Variants in CACNB2 observed in about 807,000 individuals in gnomAD.
CACNB2 encodes the protein voltage-dependent L-type calcium channel subunit beta-2.
CACNB2 carries 42 observed loss-of-function variants against 73.3 expected under a neutral mutation model. The ratio of observed to expected loss-of-function variants is 0.57; its 90% CI spans 0.45 to 0.74. The LOEUF (loss-of-function observed/expected upper bound fraction) is 0.74. Among genes scored for constraint, CACNB2 ranks in the 30% least tolerant of loss-of-function variants. The probability of loss-of-function intolerance (pLI) is 0.00; values close to 1 mark genes in which losing one functional copy is unlikely to be tolerated. For synonymous variants in CACNB2, 348 were observed against 310.3 expected, an observed-to-expected ratio of 1.12 and a Z score of -1.28; for missense variants, 940 against 853.0, an observed-to-expected ratio of 1.10 and a Z score of -1.27.
chr10:18,398,428 G>A (rs1468783175), intron 2 of CACNB2, among the ~76,000 whole-genome samples: 2 of 152,166 alleles, frequency 1.3e-5, no homozygotes, highest in Non-Finnish European at 2.9e-5. Context: ...ACTTTGGGAG[G>A]CTGAGGCAGG....
At chr10:18,374,534 A>G (rs1056741747) in intron 2 of CACNB2, among the ~76,000 whole-genome samples, 2 of 152,176 alleles carry the variant, frequency 1.3e-5, no homozygotes, top group African/African-American at 4.8e-5. Context: ...TTAAGACCAG[A>G]CTGGGCAGTA....
At chr10:18,199,620 A>C (rs542317020) in intron 2 of CACNB2, among the ~76,000 whole-genome samples, 13 of 152,324 alleles carry the variant, frequency 8.5e-5, no homozygotes, top group African/African-American at 2.6e-4. Flanking sequence ...ATAATGTCAG[A>C]TCTTATAAGG....
At chr10:18,270,739 C>G (rs2185981) in intron 2 of CACNB2, among the ~76,000 whole-genome samples, 30,798 of 152,114 alleles carry the variant, frequency 0.2, 3,431 homozygotes, top group South Asian at 0.29. Flanking sequence ...TGCTTTTCCC[C>G]TATCATAACA....
At chr10:18,330,674 C>T (rs1431266687) in intron 2 of CACNB2, among the ~76,000 whole-genome samples, 2 of 146,926 alleles carry the variant, frequency 1.4e-5, no homozygotes, top group South Asian at 2.2e-4. Context: ...AAAACTAAAA[C>T]TTTTTTTTTT....
At chr10:18,292,824 G>A (rs1370199966) in intron 2 of CACNB2, among the ~76,000 whole-genome samples, 1 of 152,068 alleles carries the variant, frequency 6.6e-6, no homozygotes, top group Non-Finnish European at 1.5e-5. Context: ...AAATTAACAG[G>A]CAAATGGATT....
intron 2 of CACNB2, among the ~76,000 whole-genome samples, chr10:18,355,555 G>A (rs1253097810): frequency 6.6e-6 from 1 of 151,614 alleles, no homozygotes; most frequent in African/African-American, 2.4e-5. Flanking sequence ...CTAACATTCA[G>A]TCCTAGTTAT....
intron 2 of CACNB2, among the ~76,000 whole-genome samples, chr10:18,232,597 C>A (rs2036263664): frequency 6.6e-6 from 1 of 152,164 alleles, no homozygotes; most frequent in South Asian, 2.1e-4. Context: ...CTTCCTTTAA[C>A]TAGTGACCTT....
At chr10:18,225,889 C>T (rs1306571945) in intron 2 of CACNB2, among the ~76,000 whole-genome samples, 2 of 152,188 alleles carry the variant, frequency 1.3e-5, no homozygotes, top group East Asian at 1.9e-4. Context: ...ATCCTCCTGC[C>T]TCAGCCTTCC....
In CACNB2 at chr10:18,223,307, C is replaced by T. The variant is rs186273776; in HGVS notation, c.213+72332C>T. On this transcript the variant is annotated intron_variant, in intron 2 of 13. Coordinates refer to ENST00000324631, the MANE Select transcript of CACNB2 (RefSeq NM_201596.3). Reference sequence around the variant, plus strand: ...TAATTGGCATAAATAATTACAACTCCACAGCACTGCAGAAGAGAATGTCAT... The same window carrying T: ...TAATTGGCATAAATAATTACAACTCTACAGCACTGCAGAAGAGAATGTCAT... 3.3e-5 allele frequency among the ~76,000 whole-genome samples: 5 copies of T among 152,180 alleles called. No homozygotes were observed. In the East Asian group the frequency reaches 7.7e-4, roughly 23 times the overall value.
chr10:18,231,773 CTG>C (rs1385321673), intron 2 of CACNB2, among the ~76,000 whole-genome samples: 1 of 152,196 alleles, frequency 6.6e-6, no homozygotes, highest in Non-Finnish European at 1.5e-5. Flanking sequence ...CTGAGTCTCT[CTG>C]AGAGTTCTAA....
At chr10:18,214,302 G>T (rs2035429804) in intron 2 of CACNB2, among the ~76,000 whole-genome samples, 1 of 75,570 alleles carries the variant, frequency 1.3e-5, no homozygotes, top group Non-Finnish European at 4.1e-5. Context: ...GCATCCATTT[G>T]TACCTTACAC....
intron 3 of CACNB2, among the ~76,000 whole-genome samples, chr10:18,410,994 G>C (rs2044593278): frequency 6.6e-6 from 1 of 151,900 alleles, no homozygotes; most frequent in South Asian, 2.1e-4. Context: ...AAATAAAAAA[G>C]AAAGATAAAA....
intron 3 of CACNB2, among the ~76,000 whole-genome samples, chr10:18,447,447 G>T (rs1412353719): frequency 6.6e-6 from 1 of 152,126 alleles, no homozygotes; most frequent in African/African-American, 2.4e-5. Context: ...ATGACAGAAT[G>T]TTGGGAAAGA....
chr10:18,350,857 G>C (rs1006820815), intron 2 of CACNB2, among the ~76,000 whole-genome samples: 1 of 152,176 alleles, frequency 6.6e-6, no homozygotes, highest in South Asian at 2.1e-4. Flanking sequence ...GTCCATGCTG[G>C]AGTGCAGTGG....
intron 1 of CACNB2, among the ~76,000 whole-genome samples, chr10:18,149,556 G>A (rs544736606): frequency 4.0e-4 from 61 of 152,206 alleles, no homozygotes; most frequent in African/African-American, 8.4e-4. Context: ...TAGCAAATTC[G>A]TCTAAATTAC....
In CACNB2 at chr10:18,518,347, T is replaced by C; in HGVS notation, c.816T>C (p.Thr272=). The change falls in exon 8 of 14, where the codon ACT becomes ACC. Residue 272 remains threonine (T), a synonymous_variant. Coordinates refer to ENST00000324631, the MANE Select transcript of CACNB2 (RefSeq NM_201596.3). Reference sequence around the variant, plus strand: ...TCCTCTCTCTGCAGACAGAGCACACTCCTCCGTATGATGTGGTACCTTCCA... The same window carrying C: ...TCCTCTCTCTGCAGACAGAGCACACCCCTCCGTATGATGTGGTACCTTCCA... ...RMPFFKKTEH[T]PPYDVVPSMR... is the part of the protein sequence containing the mutation. The C allele has an allele frequency of 6.2e-7, 1 of 1,612,680 alleles. No homozygotes were observed.
Position 18,315,516 on chromosome 10 carries a change from A to C in CACNB2, c.214-86408A>C, listed in dbSNP as rs1420561623. 1.9e-3 allele frequency among the ~76,000 whole-genome samples: 256 copies of C among 131,930 alleles called. 4 individuals are homozygous for C. The highest frequency in any genetic ancestry group is 7.2e-3 in the African/African-American group (246 of 34,206). 86.6% of individuals were successfully genotyped at this position (131,930 alleles called of 152,430 possible). On this transcript the variant is annotated intron_variant, in intron 2 of 13. Coordinates refer to ENST00000324631, the MANE Select transcript of CACNB2 (RefSeq NM_201596.3). ...TCTCTATTTAAAAAAAAAAAAAAAA[A>C]AAAAAAAAAAAACTTTTTTTTTTTT...
intron 2 of CACNB2, among the ~76,000 whole-genome samples, chr10:18,171,743 A>G (rs573890780): frequency 3.9e-5 from 6 of 152,104 alleles, no homozygotes; most frequent in African/African-American, 1.2e-4. Context: ...AGCAGGGCAC[A>G]ATTCTGAGTT....
chr10:18,430,555 A>C (rs2045839667), intron 3 of CACNB2, among the ~76,000 whole-genome samples: 1 of 152,112 alleles, frequency 6.6e-6, no homozygotes, highest in Admixed American at 6.5e-5. Flanking sequence ...CCTGGAGCCC[A>C]GGAGGTTGAG....
Sources: allele counts gnomAD v4.1 joint callset (sites outside exome capture counted in the v4.1 genomes callset), GRCh38; gene constraint gnomAD v4.1.1; transcripts MANE v1.5; gene names NCBI Gene and HGNC (gene_info 2026-07-23, HGNC 2026-07-21).